Variants in BLM observed in about 807,000 individuals in gnomAD.
BLM encodes recQ-like DNA helicase BLM.
In BLM, 95 loss-of-function variants were observed where a neutral mutation model predicts 135.3. The observed-to-expected ratio is 0.70, with a 90% CI of 0.59 to 0.83. The LOEUF (loss-of-function observed/expected upper bound fraction) is 0.83, where lower values mean the gene tolerates loss of function less well. BLM is among the 40% of genes least tolerant of loss of function. The probability of loss-of-function intolerance (pLI) is 0.00; values close to 1 mark genes in which losing one functional copy is unlikely to be tolerated. For missense variants in BLM, 1,518 were observed against 1,663.9 expected, an observed-to-expected ratio of 0.91 and a Z score of 1.53; for synonymous variants, 520 against 589.2, an observed-to-expected ratio of 0.88 and a Z score of 1.70.
rs1356782458 is a variant in BLM, at chr15:90,760,292, TC to T, written c.1220+18del. ...AGCGGAACATAAGGTATCTTAATTTTCCCCCTTCTGGAATATATCTGATTAT... is the reference window on the plus strand; with the variant it reads ...AGCGGAACATAAGGTATCTTAATTTTCCCCTTCTGGAATATATCTGATTAT... On this transcript the variant is annotated intron_variant, in intron 6 of 21. Coordinates refer to ENST00000355112, the MANE Select transcript of BLM (RefSeq NM_000057.4). The T allele has an allele frequency of 1.2e-6, 2 of 1,613,914 alleles. No individual in the cohort carries two copies. The highest frequency in any genetic ancestry group is 1.7e-5 in the Admixed American group (1 of 60,026).
chr15:90,791,786 G>A (rs756775821), intron 15 of BLM, among the ~76,000 whole-genome samples: 3 of 151,990 alleles, frequency 2.0e-5, no homozygotes, highest in Non-Finnish European at 4.4e-5. Context: ...CTACAGGCAT[G>A]TGCTACCATG....
chr15:90,810,723 A>G (rs968600240), intron 20 of BLM, among the ~76,000 whole-genome samples: 2 of 152,168 alleles, frequency 1.3e-5, no homozygotes, highest in Non-Finnish European at 2.9e-5. Flanking sequence ...AGGATCTAGA[A>G]TTTTCTTATG....
chr15:90,789,376 A>G (rs1015620807), intron 14 of BLM, among the ~76,000 whole-genome samples: 1 of 152,238 alleles, frequency 6.6e-6, no homozygotes, highest in Non-Finnish European at 1.5e-5. Flanking sequence ...TGGAGGCTGC[A>G]GGCGGTGCCT....
chr15:90,789,607 C>T (rs1397713258), intron 14 of BLM, among the ~76,000 whole-genome samples: 4 of 152,178 alleles, frequency 2.6e-5, no homozygotes, highest in Non-Finnish European at 4.4e-5. Flanking sequence ...GCGCAGGCCA[C>T]TCACCGCCAT....
intron 10 of BLM, 80 bp downstream of exon 10, chr15:90,767,103 G>C (rs1024270616): frequency 1.1e-6 from 1 of 892,466 alleles, no homozygotes; most frequent in Non-Finnish European, 1.7e-6. Context: ...ACAAAATTTT[G>C]TATACGTAGT....
intron 1 of BLM, among the ~76,000 whole-genome samples, chr15:90,747,071 GC>G (rs1895520022): frequency 6.6e-6 from 1 of 151,810 alleles, no homozygotes; most frequent in Non-Finnish European, 1.5e-5. Context: ...TTTTCTAAAA[GC>G]CCTTTCCTAA....
intron 14 of BLM, among the ~76,000 whole-genome samples, chr15:90,785,542 C>CT (rs56691722): frequency 1.4e-3 from 193 of 137,214 alleles, no homozygotes; most frequent in South Asian, 1.6e-3. Flanking sequence ...TGTGACTTTT[C>CT]TTTTTTTTTT....
Position 90,761,201 on chromosome 15 carries a change from G to A in BLM, c.1828G>A (p.Val610Met). ...CTCAGCCAAGACAGACTGTCTTCCA[G>A]TGTCATCTACTGCTCAAAATATAAA... ...LSSAKTDCLP[V>M]SSTAQNINFS... Residue 610 changes from valine to methionine, a missense_variant, in exon 7 of 22, where the codon GTG (valine) becomes ATG (methionine). By Grantham distance (21) the Val-to-Met change is conservative. Coordinates refer to ENST00000355112, the MANE Select transcript of BLM (RefSeq NM_000057.4). 2 of 1,533,512 alleles carry A rather than the reference G, an allele frequency of 1.3e-6. No homozygotes were observed. The highest frequency in any genetic ancestry group is 1.7e-6 in the Non-Finnish European group (2 of 1,145,176). 95.0% of individuals were successfully genotyped at this position (1,533,512 alleles called of 1,614,324 possible). A position where few individuals can be genotyped will look rare whatever the true frequency, so the allele number is the denominator to read the frequency against.
chr15:90,744,683 T>C (rs1326446810), intron 1 of BLM, among the ~76,000 whole-genome samples: 3 of 151,624 alleles, frequency 2.0e-5, no homozygotes, highest in Non-Finnish European at 4.4e-5. Flanking sequence ...ATCAATACTT[T>C]TAAACTGGAT....
At chr15:90,739,385 A>C (rs1217347431) in intron 1 of BLM, among the ~76,000 whole-genome samples, 3 of 152,104 alleles carry the variant, frequency 2.0e-5, no homozygotes, top group Non-Finnish European at 4.4e-5. Flanking sequence ...TGGGCAACAG[A>C]GCAAGACTCC....
intron 14 of BLM, among the ~76,000 whole-genome samples, chr15:90,785,630 G>A (rs1187022589): frequency 2.0e-5 from 3 of 148,806 alleles, no homozygotes; most frequent in Non-Finnish European, 4.4e-5. Context: ...TGCAACCTCC[G>A]CCTCCCAGGT....
chr15:90,805,342 A>G (rs184812743), intron 19 of BLM, among the ~76,000 whole-genome samples: 2 of 152,052 alleles, frequency 1.3e-5, no homozygotes, highest in African/African-American at 2.4e-5. Flanking sequence ...TGGTGGGTGC[A>G]TGCCTGTAAT....
At chr15:90,785,430 T>TA (rs1293888172) in intron 14 of BLM, among the ~76,000 whole-genome samples, 1 of 152,078 alleles carries the variant, frequency 6.6e-6, no homozygotes, top group Admixed American at 6.6e-5. Flanking sequence ...CCCCACCCCC[T>TA]AATGCCTGGA....
At chr15:90,719,213 G>A (rs998760118) in intron 1 of BLM, among the ~76,000 whole-genome samples, 12 of 152,020 alleles carry the variant, frequency 7.9e-5, no homozygotes, top group Admixed American at 7.2e-4. Context: ...GGATGGTCTC[G>A]ATCTCCTGAC....
chr15:90,742,998 CTT>C (rs11306432), intron 1 of BLM, among the ~76,000 whole-genome samples: 31,771 of 139,888 alleles, frequency 0.23, 3,853 homozygotes, highest in African/African-American at 0.35. Flanking sequence ...TTTCCTGTGA[CTT>C]TTTTTTTTTT....
rs752884341 is a variant in BLM, at chr15:90,760,685, C to T, written c.1312C>T (p.Pro438Ser). 6.2e-7 allele frequency: 1 copy of T among 1,613,932 alleles called. No individual in the cohort carries two copies. Among genetic ancestry groups the T allele is most frequent in the Admixed American group, 1.7e-5 (1 of 60,012 alleles). The change falls in exon 7 of 22, where the codon CCT (proline) becomes TCT (serine). Residue 438 changes from proline (P) to serine (S), a missense_variant. Around this residue, in one of 5 missense-constraint regions of BLM, gnomAD observed 724 missense variants for 756.9 expected, o/e 0.96. Transcript: ENST00000355112. ...ATACAGGCCTGATTCACTTGATGGCCCTATGGAGGGTGATTCCTGCCCTAC... is the reference window on the plus strand; with the variant it reads ...ATACAGGCCTGATTCACTTGATGGCTCTATGGAGGGTGATTCCTGCCCTAC... ...WRYRPDSLDG[P>S]MEGDSCPTGN...
intron 14 of BLM, among the ~76,000 whole-genome samples, chr15:90,789,669 C>T (rs148493455): frequency 3.5e-4 from 53 of 152,290 alleles, no homozygotes; most frequent in African/African-American, 1.2e-3. Flanking sequence ...CCAGAGCTTG[C>T]AGTTCCTTCC....
chr15:90,774,467 T>C (rs1019345101), intron 12 of BLM, among the ~76,000 whole-genome samples: 1 of 152,080 alleles, frequency 6.6e-6, no homozygotes, highest in African/African-American at 2.4e-5. Flanking sequence ...TTATTACAGC[T>C]ATATGAAGTG....
intron 19 of BLM, among the ~76,000 whole-genome samples, chr15:90,805,512 G>A (rs769270867): frequency 3.3e-5 from 5 of 151,738 alleles, no homozygotes; most frequent in South Asian, 2.1e-4. Context: ...TGATCTGGCC[G>A]GACACGGTGG....
Sources: allele counts gnomAD v4.1 joint callset (sites outside exome capture counted in the v4.1 genomes callset), GRCh38; gene constraint gnomAD v4.1.1; regional missense constraint gnomAD v4.1.1; transcripts MANE v1.5; gene names NCBI Gene and HGNC (gene_info 2026-07-23, HGNC 2026-07-21).